TMEM116: variants seen among roughly 807,000 people sequenced by gnomAD.
TMEM116 encodes the protein transmembrane protein 116.
A neutral mutation model predicts 44.3 loss-of-function variants in TMEM116; 38 were observed. That is an observed-to-expected ratio of 0.86 (90% CI 0.66 to 1.12). The LOEUF is 1.12. Ranked by LOEUF, TMEM116 falls within the 50% of genes most tolerant of loss-of-function variation. The pLI, the probability that TMEM116 is intolerant of heterozygous loss-of-function variation, is 0.00. For missense variants in TMEM116, 354 were observed against 401.7 expected (o/e 0.88, Z 1.01); for synonymous variants, 132 against 144.8 (o/e 0.91, Z 0.64).
At chr12:111,940,542 T>A (rs1295518925) in intron 5 of TMEM116, among the ~76,000 whole-genome samples, 2 of 103,658 alleles carry the variant, frequency 1.9e-5, no homozygotes, top group Non-Finnish European at 3.4e-5. Context: ...TATATATATA[T>A]ATACACACAC....
chr12:111,939,385 G>A (rs2072465133), intron 5 of TMEM116, among the ~76,000 whole-genome samples: 1 of 151,034 alleles, frequency 6.6e-6, no homozygotes, highest in African/African-American at 2.4e-5. Context: ...CCCGGGAGGT[G>A]GAGGTTGCAG....
At chr12:111,999,489 G>C (rs964462376) in intron 3 of TMEM116, among the ~76,000 whole-genome samples, 1 of 151,780 alleles carries the variant, frequency 6.6e-6, no homozygotes, top group Non-Finnish European at 1.5e-5. Flanking sequence ...CCAGCTACTC[G>C]GGAGGCTGAG....
intron 1 of TMEM116, among the ~76,000 whole-genome samples, chr12:112,009,515 TA>T (rs1368044764): frequency 7.2e-6 from 1 of 138,130 alleles, no homozygotes; most frequent in African/African-American, 2.8e-5. Flanking sequence ...AAGTAACTGC[TA>T]AATCAGCATG....
intron 4 of TMEM116, among the ~76,000 whole-genome samples, chr12:111,973,856 G>A (rs2075503244): frequency 6.6e-6 from 1 of 152,030 alleles, no homozygotes; most frequent in Non-Finnish European, 1.5e-5. Flanking sequence ...CCCAGGAGGT[G>A]GAGGTTGCAG....
intron 8 of TMEM116, chr12:111,936,269 C>T (rs1417277960): frequency 6.5e-6 from 1 of 153,464 alleles, no homozygotes; most frequent in East Asian, 1.9e-4. Context: ...CCCAGTTAGA[C>T]ATAGCATAAA....
intron 3 of TMEM116, among the ~76,000 whole-genome samples, chr12:111,994,950 T>C (rs1296426833): frequency 2.0e-5 from 3 of 152,160 alleles, no homozygotes; most frequent in African/African-American, 7.2e-5. Context: ...AAGGGTTGCA[T>C]TGCATTCCCA....
intron 1 of TMEM116, among the ~76,000 whole-genome samples, chr12:112,006,767 GAA>G (rs904680994): frequency 2.0e-5 from 3 of 151,988 alleles, no homozygotes; most frequent in Non-Finnish European, 4.4e-5. Context: ...CAGACTGGAG[GAA>G]AAAAGAGAGC....
chr12:111,975,796 A>C (rs2075635442), intron 4 of TMEM116, among the ~76,000 whole-genome samples: 1 of 151,860 alleles, frequency 6.6e-6, no homozygotes, highest in African/African-American at 2.4e-5. Flanking sequence ...GATACTTTAA[A>C]AAAAAAACAC....
chr12:112,003,874 TAGA>T lies in TMEM116; in HGVS notation c.15-14_15-12del, dbSNP rs1343773408. The T allele has an allele frequency of 6.7e-7, 1 of 1,491,142 alleles. No homozygotes were observed. The highest frequency in any genetic ancestry group is 8.8e-7 in the Non-Finnish European group (1 of 1,131,974). The allele number at this position is 1,491,142 out of a possible 1,614,324, so 92.4% of individuals were successfully genotyped here. On this transcript the variant is annotated splice_polypyrimidine_tract_variant and intron_variant, in intron 2 of 10. Coordinates refer to ENST00000552374, the MANE Select transcript of TMEM116 (RefSeq NM_001193531.2). ...CTTGAACCTATAACACTGAGAAATTTAGAAGATGATTGATCATTAAAGCAGGAC... is the reference window on the plus strand; with the variant it reads ...CTTGAACCTATAACACTGAGAAATTTAGATGATTGATCATTAAAGCAGGAC...
intron 4 of TMEM116, among the ~76,000 whole-genome samples, chr12:111,950,410 G>A (rs972109403): frequency 1.1e-4 from 17 of 149,864 alleles, no homozygotes; most frequent in African/African-American, 4.2e-4. Flanking sequence ...GCAGAACATT[G>A]GTGTAATTAA....
intron 4 of TMEM116, among the ~76,000 whole-genome samples, chr12:111,964,559 C>G (rs2074853390): frequency 6.6e-6 from 1 of 152,086 alleles, no homozygotes; most frequent in African/African-American, 2.4e-5. Context: ...AAGGTTTCTA[C>G]ACGAACCAAA....
intron 3 of TMEM116, among the ~76,000 whole-genome samples, chr12:111,995,692 C>T (rs969654776): frequency 4.0e-5 from 6 of 151,642 alleles, no homozygotes; most frequent in African/African-American, 1.2e-4. Context: ...GAGCCGAGAT[C>T]ATGCCACTGC....
At chr12:111,937,539 G>A (rs2072262295) in intron 6 of TMEM116, among the ~76,000 whole-genome samples, 1 of 152,168 alleles carries the variant, frequency 6.6e-6, no homozygotes, top group African/African-American at 2.4e-5. Context: ...AAGTGAGTCA[G>A]AGTGAAAGGA....
At chr12:111,976,969 T>A (rs1051375845) in intron 4 of TMEM116, among the ~76,000 whole-genome samples, 16 of 151,644 alleles carry the variant, frequency 1.1e-4, no homozygotes, top group Non-Finnish European at 1.8e-4. Flanking sequence ...AGAACAACAG[T>A]GGAACAGTTA....
chr12:111,974,604 G>A (rs1169161902), intron 4 of TMEM116, among the ~76,000 whole-genome samples: 2 of 148,868 alleles, frequency 1.3e-5, no homozygotes, highest in Non-Finnish European at 3.0e-5. Context: ...GCAGTGAGCC[G>A]AGATCGCACC....
At chr12:111,964,493 T>C (rs972695584) in intron 4 of TMEM116, among the ~76,000 whole-genome samples, 4 of 151,988 alleles carry the variant, frequency 2.6e-5, no homozygotes, top group Non-Finnish European at 4.4e-5. Flanking sequence ...TTATGAACAT[T>C]TGTGATAAGG....
At chr12:111,963,337 G>A (rs1427270086) in intron 4 of TMEM116, among the ~76,000 whole-genome samples, 1 of 152,146 alleles carries the variant, frequency 6.6e-6, no homozygotes, top group Non-Finnish European at 1.5e-5. Flanking sequence ...ATACCCAAAG[G>A]ATTAGAAATC....
At chr12:111,982,782 G>A (rs1314315473) in intron 4 of TMEM116, among the ~76,000 whole-genome samples, 1 of 152,126 alleles carries the variant, frequency 6.6e-6, no homozygotes, top group Non-Finnish European at 1.5e-5. Context: ...CAAGTAGGAA[G>A]CAAAGGCTAA....
At chr12:112,005,107 T>C (rs981746744) in intron 2 of TMEM116, 150 bp downstream of exon 2, 2 of 521,186 alleles carry the variant, frequency 3.8e-6, no homozygotes, top group Non-Finnish European at 6.4e-6. Flanking sequence ...GTTGTCACTT[T>C]ATTAGTAAGA....
Sources: allele counts gnomAD v4.1 joint callset (sites outside exome capture counted in the v4.1 genomes callset), GRCh38; gene constraint gnomAD v4.1.1; transcripts MANE v1.5; gene names NCBI Gene and HGNC (gene_info 2026-07-23, HGNC 2026-07-21).